Variants in PTCD1 observed in about 807,000 individuals in gnomAD.
PTCD1 encodes pentatricopeptide repeat domain 1.
In PTCD1, 50 loss-of-function variants were observed where a neutral mutation model predicts 53.4. That is an observed-to-expected ratio of 0.94 (90% CI 0.75 to 1.19). The LOEUF is 1.19. Among genes scored for constraint, PTCD1 ranks in the 50% most tolerant of loss-of-function variants. The pLI is 0.00. For missense variants in PTCD1, 918 were observed against 904.8 expected (o/e 1.01, Z -0.19); for synonymous variants, 413 against 394.8 (o/e 1.05, Z -0.55).
Position 99,436,844 on chromosome 7 carries a change from G to A in PTCD1, c.-26-1576C>T, listed in dbSNP as rs189787743. 6.1e-3 allele frequency among the ~76,000 whole-genome samples: 926 copies of A among 152,254 alleles called. 10 individuals are homozygous for A. Among genetic ancestry groups the A allele is most frequent in the African/African-American group, 0.019 (798 of 41,552 alleles). Reference sequence around the variant, plus strand: ...CAAGCCCTGCCACTCCTTCTTACAAGCATGGTGTTTATGTAATTTTCTTTT... The same window carrying A: ...CAAGCCCTGCCACTCCTTCTTACAAACATGGTGTTTATGTAATTTTCTTTT... On this transcript the variant is annotated intron_variant, in intron 1 of 7. Coordinates refer to ENST00000292478, the MANE Select transcript of PTCD1 (RefSeq NM_015545.4).
In PTCD1 at chr7:99,424,786, T is replaced by G; in HGVS notation, c.1737+9A>C. 1 of 1,614,048 alleles carries G rather than the reference T, an allele frequency of 6.2e-7. No homozygotes were observed. Among genetic ancestry groups the G allele is most frequent in the Non-Finnish European group, 8.5e-7 (1 of 1,179,982 alleles). ...CATGGGTGTCCTGCCCAGGCCCGAG[T>G]CCACTCACCTTCATGTCTGTGAGAA... On this transcript the variant is annotated intron_variant, in intron 6 of 7. Transcript: ENST00000292478.
At chr7:99,420,813 G>A (rs1039357880) in intron 7 of PTCD1, among the ~76,000 whole-genome samples, 6 of 152,148 alleles carry the variant, frequency 3.9e-5, no homozygotes, top group South Asian at 2.1e-4. Flanking sequence ...TGGATGTGGC[G>A]GTGCATGCCT....
At position 99,423,884 on chromosome 7, in the gene PTCD1, G is replaced by C; in HGVS notation, c.1811C>G (p.Thr604Ser). Residue 604 changes from threonine to serine, a missense_variant, in exon 7 of 8, where the codon ACC (threonine) becomes AGC (serine). By Grantham distance (58) the Thr-to-Ser change is moderately conservative. Coordinates refer to ENST00000292478, the MANE Select transcript of PTCD1 (RefSeq NM_015545.4). ...INAAIRKLNY[T>S]YLISILKDMK... is the part of the protein sequence containing the mutation. ...GTCCTTCAAGATGCTGATGAGATAG[G>C]TGTAGTTCAGCTTCCTGATGGCCGC... The C allele has an allele frequency of 6.2e-7, 1 of 1,614,192 alleles. No homozygotes were observed. The highest frequency in any genetic ancestry group is 2.2e-5 in the East Asian group (1 of 44,876).
In PTCD1 at chr7:99,417,995, T is replaced by C; in HGVS notation, c.*1972A>G. On this transcript the variant is annotated 3_prime_UTR_variant, in exon 8 of 8. Coordinates refer to ENST00000292478, the MANE Select transcript of PTCD1 (RefSeq NM_015545.4). Reference sequence around the variant, plus strand: ...TCTTTCCCGCCCCCCCAAGACGGAGTCTTGCTTTGTCGCCCAGGCTGGAGT... The same window carrying C: ...TCTTTCCCGCCCCCCCAAGACGGAGCCTTGCTTTGTCGCCCAGGCTGGAGT... The C allele has an allele frequency of 3.4e-6, 4 of 1,166,732 alleles. No individual in the cohort carries two copies. The highest frequency in any genetic ancestry group is 4.3e-6 in the Non-Finnish European group (4 of 934,298). The allele number at this position is 1,166,732 out of a possible 1,614,324, so 72.3% of individuals were successfully genotyped here.
At chr7:99,437,430 C>T (rs991969690) in intron 1 of PTCD1, among the ~76,000 whole-genome samples, 7 of 151,662 alleles carry the variant, frequency 4.6e-5, no homozygotes, top group African/African-American at 1.5e-4. Flanking sequence ...TCAGCCTCCC[C>T]TGGAGCTGGG....
chr7:99,419,605 T>C lies in PTCD1; in HGVS notation c.*362A>G. On this transcript the variant is annotated 3_prime_UTR_variant, in exon 8 of 8. Transcript: ENST00000292478. The stretch of plus-strand genomic sequence containing the variant: ...CTGTGATTTGTAAAAATAAAATCTT[T>C]AAATCTCTCGAGCCCCACGTCTCTT... 3.4e-6 allele frequency: 3 copies of C among 876,218 alleles called. No homozygotes were observed. The highest frequency in any genetic ancestry group is 5.2e-6 in the Non-Finnish European group (3 of 579,242). The allele number at this position is 876,218 out of a possible 1,614,324, so 54.3% of individuals were successfully genotyped here. A position where few individuals can be genotyped will look rare whatever the true frequency, so the allele number is the denominator to read the frequency against.
rs189370870 is a variant in PTCD1 at position 99,419,700 on chromosome 7, C to T, written c.*267G>A. On this transcript the variant is annotated 3_prime_UTR_variant, in exon 8 of 8. Transcript: ENST00000292478. The stretch of plus-strand genomic sequence containing the variant: ...CCCAGGGACCAGATGCCCCAGCCCC[C>T]TTGTGGTGTGTGAGGTGACACACAA... 60 of 697,860 alleles carry T rather than the reference C, an allele frequency of 8.6e-5. No homozygotes were observed. The African/African-American group carries it at 1.0e-3, about 12-fold the overall frequency. The allele number at this position is 697,860 out of a possible 1,614,324, so 43.2% of individuals were successfully genotyped here. A position where few individuals can be genotyped will look rare whatever the true frequency, so the allele number is the denominator to read the frequency against.
At position 99,425,184 on chromosome 7, in the gene PTCD1, G is replaced by A; in HGVS notation, c.1348C>T (p.Pro450Ser). 6.2e-7 allele frequency: 1 copy of A among 1,613,426 alleles called. No homozygotes were observed. Residue 450 changes from proline to serine, a missense_variant, in exon 6 of 8, where the codon CCT becomes TCT. Pro to Ser is a moderately conservative substitution (Grantham distance 74). Transcript: ENST00000292478. ...ACCGTTCCAAAGGAGACCACTGTAG[G>A]GGGAACGGCCCCGGGGGTCAGGAGG... The part of the protein sequence containing the change: ...VNLLTPGAVP[P>S]TVVSFGTVTT...
At chr7:99,421,864 G>A (rs1425334101) in intron 7 of PTCD1, among the ~76,000 whole-genome samples, 1 of 152,180 alleles carries the variant, frequency 6.6e-6, no homozygotes, top group South Asian at 2.1e-4. Flanking sequence ...CCCGCACAAA[G>A]TCGATCCTTA....
chr7:99,434,385 G>A (rs1796376535), intron 2 of PTCD1, among the ~76,000 whole-genome samples: 1 of 152,102 alleles, frequency 6.6e-6, no homozygotes, highest in African/African-American at 2.4e-5. Flanking sequence ...GGAGGCGGAG[G>A]CTGCAGTGAG....
At chr7:99,434,376 G>A (rs1007215600) in intron 2 of PTCD1, among the ~76,000 whole-genome samples, 1 of 152,118 alleles carries the variant, frequency 6.6e-6, no homozygotes, top group Non-Finnish European at 1.5e-5. Context: ...AATTCCCCAG[G>A]AGGCGGAGGC....
intron 1 of PTCD1, among the ~76,000 whole-genome samples, chr7:99,438,184 G>A (rs1456640674): frequency 6.6e-6 from 1 of 152,148 alleles, no homozygotes; most frequent in Admixed American, 6.5e-5. Context: ...AGCACTTTGG[G>A]AGGCCCAGGC....
chr7:99,417,367 G>T lies in PTCD1; in HGVS notation c.*2600C>A, dbSNP rs1359268256. On this transcript the variant is annotated 3_prime_UTR_variant, in exon 8 of 8. Transcript: ENST00000292478. The stretch of plus-strand genomic sequence containing the variant: ...TGCACCCGGCCTGAATGCTTTTTTT[G>T]ATCAAGGGTGGGGAAGGTTTTTAGA... 8 of 1,566,634 alleles carry T rather than the reference G, an allele frequency of 5.1e-6. No homozygotes were observed. Among genetic ancestry groups the T allele is most frequent in the Non-Finnish European group, 7.0e-6 (8 of 1,139,604 alleles).
At position 99,420,685 on chromosome 7, in the gene PTCD1, G is replaced by A. The variant is rs556891851; in HGVS notation, c.1921-536C>T. Among the ~76,000 whole-genome samples, 14 of 152,310 alleles carry A rather than the reference G, an allele frequency of 9.2e-5. No individual in the cohort carries two copies. In the East Asian group the frequency reaches 1.7e-3, roughly 19 times the overall value. On this transcript the variant is annotated intron_variant, in intron 7 of 7. Coordinates refer to ENST00000292478, the MANE Select transcript of PTCD1 (RefSeq NM_015545.4). ...AATGACAAAAGGTTTGGCCGGGTGC[G>A]GTGGCTCACGTCTGTAATCCCAGCA...
Position 99,417,428 on chromosome 7 carries a change from G to C in PTCD1, c.*2539C>G. On this transcript the variant is annotated 3_prime_UTR_variant, in exon 8 of 8. Transcript: ENST00000292478. The stretch of plus-strand genomic sequence containing the variant: ...ATGCTCTTTCCCCATCTTTTTGACA[G>C]AACTCTATGAATATTGTATTAAAGA... 1 of 1,613,756 alleles carries C rather than the reference G, an allele frequency of 6.2e-7. No individual in the cohort carries two copies. Among genetic ancestry groups the C allele is most frequent in the Non-Finnish European group, 8.5e-7 (1 of 1,179,802 alleles).
At position 99,433,145 on chromosome 7, in the gene PTCD1, A is replaced by C. The variant is rs577962676; in HGVS notation, c.594+133T>G. 5 of 1,410,124 alleles carry C rather than the reference A, an allele frequency of 3.5e-6. No individual in the cohort carries two copies. In the South Asian group the frequency reaches 5.8e-5, roughly 16 times the overall value. 87.4% of individuals were successfully genotyped at this position (1,410,124 alleles called of 1,614,324 possible). A position where few individuals can be genotyped will look rare whatever the true frequency, so the allele number is the denominator to read the frequency against. ...TCGTTTATCACCCACAATCACCACC[A>C]TTTTAAGGAGATGACTCTGAGGCCA... On this transcript the variant is annotated intron_variant, in intron 3 of 7. Coordinates refer to ENST00000292478, the MANE Select transcript of PTCD1 (RefSeq NM_015545.4).
At chr7:99,429,310 C>T (rs1796172777) in intron 4 of PTCD1, 106 bp from the exon 5 acceptor site, 2 of 1,431,992 alleles carry the variant, frequency 1.4e-6, no homozygotes, top group Non-Finnish European at 2.0e-6. Context: ...AGGATGATCA[C>T]TTGAGGCCAG....
intron 2 of PTCD1, among the ~76,000 whole-genome samples, chr7:99,433,993 G>A (rs1049361476): frequency 3.2e-4 from 46 of 143,778 alleles, no homozygotes; most frequent in African/African-American, 9.6e-4. Context: ...CAGAGGCTAC[G>A]GTGAGCCAAG....
chr7:99,419,818 A>C lies in PTCD1; in HGVS notation c.*149T>G, dbSNP rs1469518383. 4 of 1,357,150 alleles carry C rather than the reference A, an allele frequency of 2.9e-6. No individual in the cohort carries two copies. The highest frequency in any genetic ancestry group is 4.1e-6 in the Non-Finnish European group (4 of 986,980). 84.1% of individuals were successfully genotyped at this position (1,357,150 alleles called of 1,614,324 possible). Reference sequence around the variant, plus strand: ...CTGGGAGCACAGGCACCTTGGGCCTAGTGTGTGTCCTCACCAACACCTGTG... The same window carrying C: ...CTGGGAGCACAGGCACCTTGGGCCTCGTGTGTGTCCTCACCAACACCTGTG... On this transcript the variant is annotated 3_prime_UTR_variant, in exon 8 of 8. Transcript: ENST00000292478.
Sources: allele counts gnomAD v4.1 joint callset (sites outside exome capture counted in the v4.1 genomes callset), GRCh38; gene constraint gnomAD v4.1.1; transcripts MANE v1.5; gene names NCBI Gene and HGNC (gene_info 2026-07-23, HGNC 2026-07-21).